Variants in TTC3 observed in about 807,000 individuals in gnomAD.
The protein encoded by TTC3 is E3 ubiquitin-protein ligase TTC3.
TTC3 carries 180 observed loss-of-function variants against 249.6 expected under a neutral mutation model. The ratio of observed to expected loss-of-function variants is 0.72; its 90% confidence interval spans 0.64 to 0.82. TTC3 has a LOEUF of 0.82. Among genes scored for constraint, TTC3 ranks in the 40% least tolerant of loss-of-function variants. The pLI is 0.00. For missense variants in TTC3, 2,061 were observed against 2,398.4 expected, an observed-to-expected ratio of 0.86 and a Z score of 2.94; for synonymous variants, 717 against 805.0, an observed-to-expected ratio of 0.89 and a Z score of 1.85.
Position 37,077,235 on chromosome 21 carries a change from TA to T in TTC3, c.-12+3872del, listed in dbSNP as rs559964578. Among the ~76,000 whole-genome samples, 8 of 152,286 alleles carry T rather than the reference TA, an allele frequency of 5.3e-5. No homozygotes were observed. The East Asian group carries it at 1.5e-3, about 29-fold the overall frequency. ...GTTCTAGAAATTCACCCTTTGCAAT[TA>T]TTTAATCTTATGGTGATATTTTTTA... On this transcript the variant is annotated intron_variant, in intron 1 of 45. Transcript: ENST00000355666.
intron 44 of TTC3, among the ~76,000 whole-genome samples, chr21:37,198,236 T>C (rs1259843915): frequency 3.3e-5 from 5 of 152,234 alleles, no homozygotes; most frequent in African/African-American, 7.2e-5. Flanking sequence ...GGGCCCAGCA[T>C]GGAGAGAAGC....
At chr21:37,195,768 C>G (rs1460549106) in exon 42 of TTC3, 2 of 1,614,086 alleles carry the variant, frequency 1.2e-6, no homozygotes, top group South Asian at 1.1e-5. Context: ...CGCAGCACTT[C>G]ACAGGGATCC....
Position 37,115,655 on chromosome 21 carries a change from CT to C in TTC3, c.901-6161del, listed in dbSNP as rs137886344. Among the ~76,000 whole-genome samples the C allele has an allele frequency of 7.5e-3, 1,143 of 152,312 alleles. 12 individuals carry two copies. Among genetic ancestry groups the C allele is most frequent in the African/African-American group, 0.026 (1,077 of 41,566 alleles). ...TATTTTCACTTGATCAAAGTTGTTA[CT>C]CTGACCTGTGTGATCTGTCCCCGTC... On this transcript the variant is annotated intron_variant, in intron 11 of 45. Coordinates refer to ENST00000355666, the Ensembl canonical transcript of TTC3.
chr21:37,114,970 G>A (rs2076002592), intron 11 of TTC3, among the ~76,000 whole-genome samples: 1 of 151,890 alleles, frequency 6.6e-6, no homozygotes, highest in African/African-American at 2.4e-5. Context: ...CTCATAGGTG[G>A]GAATTGAACA....
At chr21:37,185,745 A>G (rs147053165) in exon 37 of TTC3, 180 of 1,556,848 alleles carry the variant, frequency 1.2e-4, no homozygotes, top group Admixed American at 1.8e-4. Context: ...AGGAACATGA[A>G]TTACATCTGG....
At chr21:37,157,854 A>T (rs955351573) in intron 28 of TTC3, among the ~76,000 whole-genome samples, 1 of 152,174 alleles carries the variant, frequency 6.6e-6, no homozygotes, top group African/African-American at 2.4e-5. Context: ...ATATTCCTAG[A>T]TTCTAAATGA....
chr21:37,164,100 C>T (rs139881250), exon 32 of TTC3: 266 of 1,612,592 alleles, frequency 1.6e-4, no homozygotes, highest in Admixed American at 3.7e-4. Context: ...TGACCATCTT[C>T]GGCAAGATGT....
chr21:37,096,664 C>T (rs1394001328), intron 10 of TTC3, 21 bp downstream of exon 10: 1 of 1,564,040 alleles, frequency 6.4e-7, no homozygotes, highest in Non-Finnish European at 8.8e-7. Flanking sequence ...TAAAATATCT[C>T]AACCACTGAA....
chr21:37,077,866 T>G (rs2071116060), intron 1 of TTC3, among the ~76,000 whole-genome samples: 1 of 152,208 alleles, frequency 6.6e-6, no homozygotes, highest in South Asian at 2.1e-4. Flanking sequence ...TATGGTGTAT[T>G]TTGGTGAACA....
intron 36 of TTC3, among the ~76,000 whole-genome samples, chr21:37,185,245 C>G (rs1752520756): frequency 6.6e-6 from 1 of 152,228 alleles, no homozygotes; most frequent in Non-Finnish European, 1.5e-5. Flanking sequence ...GAAGGATTAT[C>G]AGAGAATGTG....
intron 41 of TTC3, among the ~76,000 whole-genome samples, chr21:37,194,186 G>T (rs1311815987): frequency 6.6e-6 from 1 of 152,220 alleles, no homozygotes; most frequent in African/African-American, 2.4e-5. Context: ...AACAGCAGCA[G>T]AACAGGAGTC....
chr21:37,195,702 T>C, exon 42 of TTC3: 1 of 1,612,796 alleles, frequency 6.2e-7, no homozygotes, highest in South Asian at 1.1e-5. Context: ...CCCTGAGTCT[T>C]CAGGCGACGA....
chr21:37,158,915 T>C (rs1393311157), intron 28 of TTC3, among the ~76,000 whole-genome samples: 1 of 147,842 alleles, frequency 6.8e-6, no homozygotes, highest in African/African-American at 2.5e-5. Context: ...ACCACTATAG[T>C]AGCCTCCAAA....
chr21:37,091,116 A>G (rs1276971790), intron 6 of TTC3, among the ~76,000 whole-genome samples, 177 bp from the exon 7 acceptor site: 1 of 152,186 alleles, frequency 6.6e-6, no homozygotes, highest in Admixed American at 6.5e-5. Flanking sequence ...AGTATCTGTT[A>G]ATTTATATGT....
intron 11 of TTC3, among the ~76,000 whole-genome samples, chr21:37,112,586 AT>A: frequency 6.6e-6 from 1 of 152,338 alleles, no homozygotes; most frequent in Non-Finnish European, 1.5e-5. Context: ...AACCAGATGG[AT>A]TCACAGCCGA....
At chr21:37,106,405 A>G (rs1390585477) in intron 10 of TTC3, among the ~76,000 whole-genome samples, 1 of 152,154 alleles carries the variant, frequency 6.6e-6, no homozygotes, top group Non-Finnish European at 1.5e-5. Context: ...ACTAATTTTA[A>G]TGTAGTACAG....
intron 20 of TTC3, among the ~76,000 whole-genome samples, chr21:37,142,047 A>C (rs750678479): frequency 5.3e-5 from 8 of 152,230 alleles, no homozygotes; most frequent in Non-Finnish European, 7.3e-5. Flanking sequence ...GACAAAATTC[A>C]ACAGCCCTTC....
rs996100163 is a variant in TTC3, at chr21:37,115,663, T to C, written c.901-6154T>C. On this transcript the variant is annotated intron_variant, in intron 11 of 45. Transcript: ENST00000355666. ...CTTGATCAAAGTTGTTACTCTGACC[T>C]GTGTGATCTGTCCCCGTCTTGAACA... 4.6e-5 allele frequency among the ~76,000 whole-genome samples: 7 copies of C among 152,224 alleles called. No homozygotes were observed. In the East Asian group the frequency reaches 1.3e-3, roughly 29 times the overall value.
chr21:37,132,758 G>T (rs774704098), exon 17 of TTC3: 2 of 1,600,436 alleles, frequency 1.2e-6, no homozygotes. Context: ...TTCCAGAGCT[G>T]CACACCAGGT....
Sources: allele counts gnomAD v4.1 joint callset (sites outside exome capture counted in the v4.1 genomes callset), GRCh38; gene constraint gnomAD v4.1.1; transcripts MANE v1.5; gene names NCBI Gene and HGNC (gene_info 2026-07-23, HGNC 2026-07-21).